The following FBXL2 variants were observed in gnomAD, a reference collection of about 807,000 sequenced individuals.
FBXL2 encodes the protein F-box/LRR-repeat protein 2.
Under a neutral mutation model 69.2 loss-of-function variants are expected in FBXL2, and 38 were observed. The ratio of observed to expected loss-of-function variants is 0.55; its 90% confidence interval spans 0.42 to 0.72. The LOEUF (loss-of-function observed/expected upper bound fraction) is 0.72. FBXL2 is among the 30% of genes least tolerant of loss of function. The probability of loss-of-function intolerance (pLI) is 0.00; values close to 1 mark genes in which losing one functional copy is unlikely to be tolerated. For missense variants in FBXL2, 354 were observed against 520.3 expected (o/e 0.68, Z 3.11); for synonymous variants, 192 against 201.3 (o/e 0.95, Z 0.39).
intron 2 of FBXL2, among the ~76,000 whole-genome samples, chr3:33,345,773 A>C (rs574026718): frequency 3.9e-5 from 6 of 152,340 alleles, no homozygotes; most frequent in Non-Finnish European, 8.8e-5. Context: ...GAGATTAAAC[A>C]ACACATTTCT....
intron 1 of FBXL2, 62 bp downstream of exon 1, chr3:33,277,577 A>C: frequency 1.6e-6 from 2 of 1,249,308 alleles, no homozygotes; most frequent in Non-Finnish European, 2.0e-6. Flanking sequence ...CTGGGTCCGC[A>C]CGCCGCCGCC....
intron 12 of FBXL2, chr3:33,398,446 G>A (rs1392931678): frequency 1.3e-5 from 2 of 152,232 alleles, no homozygotes; most frequent in African/African-American, 4.8e-5. Flanking sequence ...TGACCAGAGA[G>A]TACTGTGTAT....
downstream of FBXL2, chr3:33,390,158 G>GTGACA: frequency 1.6e-6 from 1 of 643,506 alleles, no homozygotes; most frequent in East Asian, 2.8e-5. Flanking sequence ...GGCTATGGCA[G>GTGACA]TGACAGTGAG....
At chr3:33,342,927 A>G (rs1395177014) in intron 2 of FBXL2, among the ~76,000 whole-genome samples, 2 of 128,822 alleles carry the variant, frequency 1.6e-5, no homozygotes, top group African/African-American at 3.0e-5. Context: ...TTTTTAGTAG[A>G]GACGGGGTTT....
chr3:33,381,374 G>C (rs768587388), intron 13 of FBXL2, among the ~76,000 whole-genome samples: 3 of 152,200 alleles, frequency 2.0e-5, no homozygotes, highest in African/African-American at 7.2e-5. Flanking sequence ...GCTGGGCACG[G>C]TGGCTCACGC....
chr3:33,284,033 T>C (rs1268109131), intron 1 of FBXL2, among the ~76,000 whole-genome samples: 1 of 152,224 alleles, frequency 6.6e-6, no homozygotes, highest in Admixed American at 6.5e-5. Context: ...GAAGGGTTTT[T>C]TGTGTCTCTA....
intron 2 of FBXL2, among the ~76,000 whole-genome samples, chr3:33,326,941 A>C (rs911132086): frequency 6.6e-6 from 1 of 152,222 alleles, no homozygotes; most frequent in African/African-American, 2.4e-5. Context: ...GCTTTCTGCT[A>C]CCCTTAACAC....
At chr3:33,393,286 A>G in intron 12 of FBXL2, 1 of 1,579,828 alleles carries the variant, frequency 6.3e-7, no homozygotes, top group Non-Finnish European at 8.6e-7. Flanking sequence ...CCAGTCTGAA[A>G]AGGAAAAACA....
downstream of FBXL2, among the ~76,000 whole-genome samples, chr3:33,408,175 A>G (rs1262950931): frequency 3.9e-5 from 6 of 152,048 alleles, no homozygotes; most frequent in Non-Finnish European, 8.8e-5. Context: ...ACAGACACAC[A>G]TTTTTATACT....
intron 2 of FBXL2, among the ~76,000 whole-genome samples, chr3:33,351,742 TCTTA>T (rs1287479500): frequency 2.6e-5 from 4 of 152,188 alleles, no homozygotes; most frequent in Non-Finnish European, 5.9e-5. Context: ...CTTGGCAGTT[TCTTA>T]CAAAGCTAAC....
Position 33,377,417 on chromosome 3 carries a change from A to C in FBXL2, c.849+84A>C, listed in dbSNP as rs1180615668. The C allele has an allele frequency of 2.3e-6, 3 of 1,292,804 alleles. No homozygotes were observed. In the African/African-American group the frequency reaches 4.4e-5, roughly 19 times the overall value. 80.1% of individuals were successfully genotyped at this position (1,292,804 alleles called of 1,614,324 possible). ...GACTTGGAGTGGTTTTGGGTGTGCA[A>C]AAGACTACCTTCAGAAAAGACAGGC... On this transcript the variant is annotated intron_variant, in intron 11 of 14. Transcript: ENST00000484457.
At chr3:33,418,790 C>T in the FBXL2 span, among the ~76,000 whole-genome samples, 8 of 141,558 alleles carry the variant, frequency 5.7e-5, no homozygotes, top group South Asian at 2.3e-4. Context: ...ACCTGGGAGG[C>T]GGAGGTTGCA....
chr3:33,378,907 T>C, intron 13 of FBXL2, 166 bp downstream of exon 13: 1 of 1,311,498 alleles, frequency 7.6e-7, no homozygotes, highest in African/African-American at 1.5e-5. Context: ...AATATTTGAT[T>C]ACTGCTTTCA....
Position 33,277,498 on chromosome 3 carries a change from C to A in FBXL2, c.-15C>A, listed in dbSNP as rs13076625. Reference sequence around the variant, plus strand: ...TGTGACTTCGGGCTGTGGGCTCGCTCGCGGCTCTTCGGCCATGGTGAGTCT... The same window carrying A: ...TGTGACTTCGGGCTGTGGGCTCGCTAGCGGCTCTTCGGCCATGGTGAGTCT... On this transcript the variant is annotated 5_prime_UTR_variant, in exon 1 of 15. Coordinates refer to ENST00000484457, the MANE Select transcript of FBXL2 (RefSeq NM_012157.5). The A allele has an allele frequency of 2.3e-6, 3 of 1,297,916 alleles. No individual in the cohort carries two copies. Among genetic ancestry groups the A allele is most frequent in the Non-Finnish European group, 3.0e-6 (3 of 1,014,362 alleles). The allele number at this position is 1,297,916 out of a possible 1,614,324, so 80.4% of individuals were successfully genotyped here.
intron 2 of FBXL2, among the ~76,000 whole-genome samples, chr3:33,343,879 G>T (rs1485119196): frequency 6.6e-6 from 1 of 151,906 alleles, no homozygotes; most frequent in African/African-American, 2.4e-5. Flanking sequence ...TATTACTTTT[G>T]TTACATAGTG....
downstream of FBXL2, among the ~76,000 whole-genome samples, chr3:33,406,947 G>A (rs777779398): frequency 1.1e-4 from 17 of 152,078 alleles, 1 homozygote; most frequent in Admixed American, 9.2e-4. Flanking sequence ...CATTTCATTC[G>A]GCATCTTTTC....
intron 2 of FBXL2, among the ~76,000 whole-genome samples, chr3:33,308,130 C>T (rs1461438031): frequency 1.3e-5 from 2 of 152,134 alleles, no homozygotes; most frequent in East Asian, 1.9e-4. Context: ...CCTGCCATTG[C>T]CTCCTCAGTA....
downstream of FBXL2, among the ~76,000 whole-genome samples, chr3:33,407,204 G>A (rs1325956336): frequency 1.3e-5 from 2 of 152,146 alleles, no homozygotes; most frequent in African/African-American, 2.4e-5. Flanking sequence ...CAATACATGA[G>A]GAAGATGTGA....
chr3:33,346,638 G>A (rs1355032645), intron 2 of FBXL2, among the ~76,000 whole-genome samples: 1 of 140,594 alleles, frequency 7.1e-6, no homozygotes, highest in Non-Finnish European at 1.5e-5. Context: ...TAACAATGGA[G>A]AAAATAAGTG....
Sources: allele counts gnomAD v4.1 joint callset (sites outside exome capture counted in the v4.1 genomes callset), GRCh38; gene constraint gnomAD v4.1.1; transcripts MANE v1.5; gene names NCBI Gene and HGNC (gene_info 2026-07-23, HGNC 2026-07-21).